MCTP2: variants seen among roughly 807,000 people sequenced by gnomAD.
MCTP2 encodes multiple C2 and transmembrane domain containing 2.
In MCTP2, 132 loss-of-function variants were observed where a neutral mutation model predicts 111.6. The ratio of observed to expected loss-of-function variants is 1.18; its 90% CI spans 1.03 to 1.37. MCTP2 has a LOEUF of 1.37. Among genes scored for constraint, MCTP2 ranks in the 40% most tolerant of loss-of-function variants. The probability of loss-of-function intolerance (pLI) is 0.00; values close to 1 mark genes in which losing one functional copy is unlikely to be tolerated. For missense variants in MCTP2, 1,183 were observed against 1,067.9 expected (o/e 1.11, Z -1.50); for synonymous variants, 395 against 387.7 (o/e 1.02, Z -0.22).
At chr15:94,251,747 A>T (rs1383063835) in intron 1 of MCTP2, among the ~76,000 whole-genome samples, 1 of 152,086 alleles carries the variant, frequency 6.6e-6, no homozygotes, top group Non-Finnish European at 1.5e-5. Flanking sequence ...TGAACTCTTC[A>T]TTTTGTGTAA....
At chr15:94,414,696 G>T (rs1330989916) in intron 17 of MCTP2, among the ~76,000 whole-genome samples, 2 of 152,060 alleles carry the variant, frequency 1.3e-5, no homozygotes, top group Admixed American at 6.6e-5. Flanking sequence ...GCATATTCCA[G>T]TGTTGTTTAT....
chr15:94,269,836 T>G (rs2073811284), intron 1 of MCTP2, among the ~76,000 whole-genome samples: 2 of 152,200 alleles, frequency 1.3e-5, no homozygotes, highest in African/African-American at 4.8e-5. Flanking sequence ...GCTTGGTAAT[T>G]GTGTTCCAAC....
chr15:94,298,423 C>G lies in MCTP2; in HGVS notation c.158C>G (p.Pro53Arg), dbSNP rs1325004969. Residue 53 changes from proline to arginine, a missense_variant, in exon 2 of 23, where the codon CCT (proline) becomes CGT (arginine). Pro to Arg is a moderately radical substitution (Grantham distance 103). Transcript: ENST00000357742. Reference sequence around the variant, plus strand: ...GACCGCCGTCTCAGCCTCTCTGTGCCTGATCTCCTGGAGGCTGAGGCCTTG... The same window carrying G: ...GACCGCCGTCTCAGCCTCTCTGTGCGTGATCTCCTGGAGGCTGAGGCCTTG... ...HLDRRLSLSV[P>R]DLLEAEALAP... The G allele has an allele frequency of 6.2e-7, 1 of 1,614,216 alleles. No individual in the cohort carries two copies. The highest frequency in any genetic ancestry group is 8.5e-7 in the Non-Finnish European group (1 of 1,180,034).
chr15:94,392,645 T>G (rs965816767), intron 14 of MCTP2, among the ~76,000 whole-genome samples: 4 of 151,444 alleles, frequency 2.6e-5, no homozygotes, highest in Admixed American at 2.6e-4. Context: ...AAACCCTGTT[T>G]TCTACTAAGA....
Position 94,458,201 on chromosome 15 carries a change from A to T in MCTP2, c.2315A>T (p.Gln772Leu). 6.2e-7 allele frequency: 1 copy of T among 1,612,470 alleles called. No homozygotes were observed. The highest frequency in any genetic ancestry group is 8.5e-7 in the Non-Finnish European group (1 of 1,178,454). Residue 772 changes from glutamine (Q) to leucine (L), a missense_variant, in exon 20 of 23, where the codon CAA becomes CTA. Gln to Leu is a moderately radical substitution (Grantham distance 113). Coordinates refer to ENST00000357742, the MANE Select transcript of MCTP2 (RefSeq NM_001385001.1). ...GTACAGGATATTGTTTCAACTGTTC[A>T]AAACGTCTTGGAGGAAATAGCTTCT... ...YMVQDIVSTV[Q>L]NVLEEIASFG...
intron 12 of MCTP2, among the ~76,000 whole-genome samples, chr15:94,375,406 G>C (rs1335203599): frequency 2.6e-5 from 4 of 152,110 alleles, no homozygotes; most frequent in Non-Finnish European, 2.9e-5. Context: ...TATTCTAATA[G>C]TCTATATGTT....
At chr15:94,233,588 C>G (rs1453954248) in intron 1 of MCTP2, among the ~76,000 whole-genome samples, 1 of 152,074 alleles carries the variant, frequency 6.6e-6, no homozygotes, top group Non-Finnish European at 1.5e-5. Context: ...TTGTGTAAAC[C>G]TGTGCTCACA....
At chr15:94,235,402 G>C (rs1298337401) in intron 1 of MCTP2, among the ~76,000 whole-genome samples, 1 of 152,150 alleles carries the variant, frequency 6.6e-6, no homozygotes, top group Non-Finnish European at 1.5e-5. Flanking sequence ...TGCGTCTAGA[G>C]CACAGTAATC....
intron 14 of MCTP2, among the ~76,000 whole-genome samples, chr15:94,392,838 C>CAAAA (rs1004062019): frequency 8.8e-5 from 13 of 148,536 alleles, no homozygotes; most frequent in South Asian, 8.6e-4. Context: ...AACAAACAAA[C>CAAAA]AAAAAAAAAC....
At chr15:94,276,189 T>C (rs527750228) in intron 1 of MCTP2, among the ~76,000 whole-genome samples, 17 of 152,300 alleles carry the variant, frequency 1.1e-4, no homozygotes, top group Non-Finnish European at 2.5e-4. Flanking sequence ...ATTAATTCTT[T>C]GTATTCTATG....
intron 17 of MCTP2, among the ~76,000 whole-genome samples, chr15:94,438,314 T>C (rs2083589794): frequency 6.6e-6 from 1 of 152,112 alleles, no homozygotes; most frequent in Non-Finnish European, 1.5e-5. Context: ...TTTTATTTTG[T>C]TATTACTAAT....
At chr15:94,363,626 C>T (rs186185173) in intron 10 of MCTP2, among the ~76,000 whole-genome samples, 2 of 152,256 alleles carry the variant, frequency 1.3e-5, no homozygotes, top group East Asian at 3.9e-4. Context: ...GATTCCATGT[C>T]TTGCAGATGA....
intron 4 of MCTP2, among the ~76,000 whole-genome samples, chr15:94,321,401 C>T (rs546822375): frequency 2.6e-5 from 4 of 152,220 alleles, no homozygotes; most frequent in East Asian, 1.9e-4. Flanking sequence ...CAAAATATTA[C>T]GTGTACCCCA....
chr15:94,418,643 A>T (rs1266723951), intron 17 of MCTP2, among the ~76,000 whole-genome samples: 2 of 152,028 alleles, frequency 1.3e-5, no homozygotes, highest in African/African-American at 4.8e-5. Flanking sequence ...TGCCTTTATG[A>T]GCGGTGTGGG....
intron 1 of MCTP2, among the ~76,000 whole-genome samples, chr15:94,252,478 TA>T (rs1353293892): frequency 6.6e-6 from 1 of 152,214 alleles, no homozygotes; most frequent in Non-Finnish European, 1.5e-5. Context: ...TGGATTCTAG[TA>T]ATGTCTCCAT....
chr15:94,465,276 G>T (rs562371127), intron 20 of MCTP2, among the ~76,000 whole-genome samples: 2 of 152,022 alleles, frequency 1.3e-5, no homozygotes, highest in Non-Finnish European at 2.9e-5. Flanking sequence ...ATTATCCATG[G>T]GGGATATGTT....
At chr15:94,245,568 G>C (rs1204913124) in intron 1 of MCTP2, among the ~76,000 whole-genome samples, 2 of 140,826 alleles carry the variant, frequency 1.4e-5, no homozygotes, top group African/African-American at 5.2e-5. Flanking sequence ...ATACATATAT[G>C]TATATATACG....
chr15:94,314,231 T>A, intron 2 of MCTP2, 51 bp from the exon 3 acceptor site: 1 of 1,238,502 alleles, frequency 8.1e-7, no homozygotes, highest in Non-Finnish European at 1.2e-6. Flanking sequence ...CTTCCTGAGT[T>A]GGTATTAATT....
At chr15:94,282,272 C>T (rs1173261933) in intron 1 of MCTP2, among the ~76,000 whole-genome samples, 1 of 152,088 alleles carries the variant, frequency 6.6e-6, no homozygotes, top group Non-Finnish European at 1.5e-5. Flanking sequence ...TCTTTGTCTG[C>T]CTGCGTTGAT....
Sources: gnomAD v4.1 joint callset for allele counts (sites outside exome capture counted in the v4.1 genomes callset) on GRCh38, gnomAD v4.1.1 for gene constraint, MANE v1.5 for transcripts, NCBI Gene and HGNC (gene_info 2026-07-23, HGNC 2026-07-21) for gene names.